The following RAB3C variants were observed in gnomAD, a reference collection of about 807,000 sequenced individuals.
The protein encoded by RAB3C is RAB3C, member RAS oncogene family.
Under a neutral mutation model 26.4 loss-of-function variants are expected in RAB3C, and 17 were observed. The observed-to-expected ratio is 0.64, with a 90% CI of 0.44 to 0.97. RAB3C has a LOEUF of 0.97. RAB3C is among the 50% of genes least tolerant of loss of function. The pLI is 0.00. For missense variants in RAB3C, 242 were observed against 281.9 expected (o/e 0.86, Z 1.01); for synonymous variants, 91 against 95.9 (o/e 0.95, Z 0.30).
intron 2 of RAB3C, among the ~76,000 whole-genome samples, chr5:58,692,706 C>G (rs1291563052): frequency 6.6e-6 from 1 of 152,022 alleles, no homozygotes; most frequent in Admixed American, 6.6e-5. Context: ...TCTGGCATTG[C>G]TTTTCCATTT....
At chr5:58,770,599 C>G (rs1742011329) in intron 3 of RAB3C, among the ~76,000 whole-genome samples, 1 of 152,044 alleles carries the variant, frequency 6.6e-6, no homozygotes. Flanking sequence ...CTTCCCTGAA[C>G]TTGTTATAAG....
At chr5:58,626,653 T>C (rs921619312) in intron 2 of RAB3C, among the ~76,000 whole-genome samples, 2 of 152,168 alleles carry the variant, frequency 1.3e-5, no homozygotes, top group Admixed American at 6.5e-5. Flanking sequence ...ATATTTTGCT[T>C]ATAGTCTTAT....
At chr5:58,685,607 A>C (rs1246972120) in intron 2 of RAB3C, among the ~76,000 whole-genome samples, 1 of 152,192 alleles carries the variant, frequency 6.6e-6, no homozygotes, top group Non-Finnish European at 1.5e-5. Flanking sequence ...AGCCTGCAAC[A>C]GATAATAACT....
At chr5:58,755,956 A>AT (rs1741646623) in intron 3 of RAB3C, among the ~76,000 whole-genome samples, 1 of 152,176 alleles carries the variant, frequency 6.6e-6, no homozygotes, top group African/African-American at 2.4e-5. Context: ...TAATGAAATA[A>AT]TTTTTATTTG....
chr5:58,754,647 T>C (rs6872367), intron 3 of RAB3C, among the ~76,000 whole-genome samples: 4,361 of 152,134 alleles, frequency 0.029, 194 homozygotes, highest in African/African-American at 0.099. Context: ...CATACAACTA[T>C]ACCAGCCACA....
chr5:58,797,317 G>A (rs1386690544), intron 3 of RAB3C, among the ~76,000 whole-genome samples: 1 of 133,310 alleles, frequency 7.5e-6, no homozygotes, highest in Non-Finnish European at 1.5e-5. Context: ...TCAGCACCAA[G>A]GATATCAGAC....
chr5:58,734,311 T>C lies in RAB3C; in HGVS notation c.371+8191T>C, dbSNP rs865825259. ...TAGCCTGCCAATAACAACTAAGATG[T>C]GAGGAGCAATTGCTAAGCCTCTGTT... On this transcript the variant is annotated intron_variant, in intron 3 of 4. Coordinates refer to ENST00000282878, the MANE Select transcript of RAB3C (RefSeq NM_138453.4). Among the ~76,000 whole-genome samples, 18 of 152,260 alleles carry C rather than the reference T, an allele frequency of 1.2e-4. No individual in the cohort carries two copies. In the Middle Eastern group the frequency reaches 0.017, roughly 145 times the overall value.
intron 2 of RAB3C, among the ~76,000 whole-genome samples, chr5:58,634,398 G>A (rs1301331504): frequency 2.6e-5 from 4 of 152,152 alleles, no homozygotes; most frequent in Non-Finnish European, 4.4e-5. Context: ...TTCAAATGCT[G>A]AATCAGCTCC....
At chr5:58,630,520 G>A (rs974952610) in intron 2 of RAB3C, among the ~76,000 whole-genome samples, 3 of 152,136 alleles carry the variant, frequency 2.0e-5, no homozygotes, top group Admixed American at 2.0e-4. Flanking sequence ...AGTACAATTA[G>A]TGAGAAAAGT....
chr5:58,857,840 G>A lies in RAB3C; in HGVS notation c.*6489G>A, dbSNP rs1207356670. 6.6e-6 allele frequency: 1 copy of A among 152,130 alleles called. No homozygotes were observed. The highest frequency in any genetic ancestry group is 1.5e-5 in the Non-Finnish European group (1 of 68,010). 9.4% of individuals were successfully genotyped at this position (152,130 alleles called of 1,614,324 possible). A position where few individuals can be genotyped will look rare whatever the true frequency, so the allele number is the denominator to read the frequency against. ...CTAATTGGTGGCCTGGAACTTCACTGAGATGCAAAATCAAGAACTGAAGCC... is the reference window on the plus strand; with the variant it reads ...CTAATTGGTGGCCTGGAACTTCACTAAGATGCAAAATCAAGAACTGAAGCC... On this transcript the variant is annotated 3_prime_UTR_variant, in exon 5 of 5. Transcript: ENST00000282878.
At chr5:58,810,753 T>C (rs908987006) in intron 3 of RAB3C, among the ~76,000 whole-genome samples, 1 of 152,146 alleles carries the variant, frequency 6.6e-6, no homozygotes, top group Admixed American at 6.5e-5. Flanking sequence ...TGCATCACCA[T>C]GCCCAGCTAT....
chr5:58,627,015 G>A lies in RAB3C; in HGVS notation c.252+9145G>A, dbSNP rs148872950. Among the ~76,000 whole-genome samples, 465 of 152,262 alleles carry A rather than the reference G, an allele frequency of 3.1e-3. 2 individuals are homozygous for A. Among genetic ancestry groups the A allele is most frequent in the African/African-American group, 0.01 (418 of 41,544 alleles). On this transcript the variant is annotated intron_variant, in intron 2 of 4. Coordinates refer to ENST00000282878, the MANE Select transcript of RAB3C (RefSeq NM_138453.4). The stretch of plus-strand genomic sequence containing the variant: ...TTAATATGCCCAAGTGCAGTGAGCT[G>A]TGTTGTTGAGGTGTTTCCTGGTGTT...
chr5:58,845,823 A>C (rs548204404), intron 4 of RAB3C, among the ~76,000 whole-genome samples: 1 of 151,788 alleles, frequency 6.6e-6, no homozygotes, highest in African/African-American at 2.4e-5. Context: ...TCATAACCCC[A>C]GAAAGAAGCC....
At chr5:58,700,737 TA>T (rs371669948) in intron 2 of RAB3C, among the ~76,000 whole-genome samples, 43 of 152,342 alleles carry the variant, frequency 2.8e-4, no homozygotes, top group African/African-American at 9.9e-4. Context: ...ATAAAATATG[TA>T]ACATGTATTT....
At chr5:58,671,014 A>G (rs1280676170) in intron 2 of RAB3C, among the ~76,000 whole-genome samples, 2 of 152,166 alleles carry the variant, frequency 1.3e-5, no homozygotes, top group East Asian at 1.9e-4. Flanking sequence ...TGGGCAAGTC[A>G]CAACTTCTGT....
intron 3 of RAB3C, among the ~76,000 whole-genome samples, chr5:58,818,573 G>T (rs2112049525): frequency 6.6e-6 from 1 of 152,298 alleles, no homozygotes; most frequent in South Asian, 2.1e-4. Flanking sequence ...TCTGGCACTG[G>T]TAAGGTCTGA....
Position 58,854,757 on chromosome 5 carries a change from T to G in RAB3C, c.*3406T>G, listed in dbSNP as rs890727025. The G allele has an allele frequency of 6.6e-6, 1 of 152,206 alleles. No homozygotes were observed. The highest frequency in any genetic ancestry group is 1.5e-5 in the Non-Finnish European group (1 of 68,040). The allele number at this position is 152,206 out of a possible 1,614,324, so 9.4% of individuals were successfully genotyped here. Reference sequence around the variant, plus strand: ...AAAACTATGACAATGCCTTCAGTTGTAGCAGAAAGTTGTGGCATTGTGATA... The same window carrying G: ...AAAACTATGACAATGCCTTCAGTTGGAGCAGAAAGTTGTGGCATTGTGATA... On this transcript the variant is annotated 3_prime_UTR_variant, in exon 5 of 5. Coordinates refer to ENST00000282878, the MANE Select transcript of RAB3C (RefSeq NM_138453.4).
chr5:58,807,411 G>A (rs1046719955), intron 3 of RAB3C, among the ~76,000 whole-genome samples: 1 of 152,188 alleles, frequency 6.6e-6, no homozygotes, highest in Admixed American at 6.5e-5. Context: ...ATGCTAAGTT[G>A]CAGCTACTAT....
chr5:58,614,831 G>A (rs557688538), intron 1 of RAB3C, among the ~76,000 whole-genome samples: 1 of 152,062 alleles, frequency 6.6e-6, no homozygotes, highest in African/African-American at 2.4e-5. Flanking sequence ...AAATATTTGG[G>A]AAAAAATTTC....
Sources: allele counts gnomAD v4.1 joint callset (sites outside exome capture counted in the v4.1 genomes callset), GRCh38; gene constraint gnomAD v4.1.1; transcripts MANE v1.5; gene names NCBI Gene and HGNC (gene_info 2026-07-23, HGNC 2026-07-21).